The following RAB6A variants were observed in gnomAD, a reference collection of about 807,000 sequenced individuals.
RAB6A encodes ras-related protein Rab-6A.
In RAB6A, 8 loss-of-function variants were observed where a neutral mutation model predicts 32.3. The ratio of observed to expected loss-of-function variants is 0.25; its 90% CI spans 0.15 to 0.45. The LOEUF (loss-of-function observed/expected upper bound fraction) is 0.45, where lower values mean the gene tolerates loss of function less well. Among genes scored for constraint, RAB6A ranks in the 20% least tolerant of loss-of-function variants. The pLI, the probability that RAB6A is intolerant of heterozygous loss-of-function variation, is 1.00. For missense variants in RAB6A, 104 were observed against 249.4 expected (o/e 0.42, Z 3.93); for synonymous variants, 73 against 82.1 (o/e 0.89, Z 0.60).
chr11:73,679,966 C>T (rs1320490696), intron 6 of RAB6A, among the ~76,000 whole-genome samples: 4 of 151,974 alleles, frequency 2.6e-5, no homozygotes, highest in African/African-American at 9.7e-5. Context: ...GGCGTGGTGG[C>T]ACACGCCTAT....
intron 2 of RAB6A, chr11:73,722,346 T>TA (rs1946155061): frequency 4.1e-4 from 4 of 9,756 alleles, no homozygotes; most frequent in Admixed American, 2.0e-3. Flanking sequence ...TATATATATT[T>TA]TTTTTTTTTT....
chr11:73,681,957 A>G (rs992968521), intron 6 of RAB6A, among the ~76,000 whole-genome samples: 2 of 152,176 alleles, frequency 1.3e-5, no homozygotes, highest in African/African-American at 4.8e-5. Flanking sequence ...TTTTTTAGAG[A>G]TGTACCAAAA....
chr11:73,743,082 T>C (rs549572961), intron 1 of RAB6A, among the ~76,000 whole-genome samples: 16 of 151,924 alleles, frequency 1.1e-4, no homozygotes, highest in African/African-American at 3.6e-4. Context: ...GACGGGCAGA[T>C]CACTCGAGTT....
In RAB6A at chr11:73,679,677, G is replaced by A. The variant is rs1265921156; in HGVS notation, c.539C>T (p.Thr180Ile). 8.7e-6 allele frequency: 14 copies of A among 1,614,142 alleles called. No homozygotes were observed. Among genetic ancestry groups the A allele is most frequent in the Non-Finnish European group, 3.4e-6 (4 of 1,179,986 alleles). The change falls in exon 7 of 8, where the codon ACA becomes ATA. Residue 180 changes from threonine to isoleucine, a missense_variant. Coordinates refer to ENST00000336083, the MANE Select transcript of RAB6A (RefSeq NM_198896.2). ...VAAALPGMES[T>I]QDRSREDMID... The stretch of plus-strand genomic sequence containing the variant: ...ACTATCTTCTCTGCTTCTGTCCTGT[G>A]TGCTTTCCATTCCCGGCAAAGCTGC...
At chr11:73,715,842 A>G (rs190206141) in intron 5 of RAB6A, among the ~76,000 whole-genome samples, 1 of 152,270 alleles carries the variant, frequency 6.6e-6, no homozygotes, top group Admixed American at 6.5e-5. Context: ...CACACCACTG[A>G]ATTATAATGA....
At position 73,761,027 on chromosome 11, in the gene RAB6A, C is replaced by T. The variant is rs572800630; in HGVS notation, c.-392G>A. 2 of 174,704 alleles carry T rather than the reference C, an allele frequency of 1.1e-5. No homozygotes were observed. Among genetic ancestry groups the T allele is most frequent in the Middle Eastern group, 2.6e-3 (1 of 388 alleles). 10.8% of individuals were successfully genotyped at this position (174,704 alleles called of 1,614,324 possible). ...TATCTGGGACCTCTCACGCGCAGCG[C>T]CTGAGCTTCCACAGCTGCCGCCGCC... On this transcript the variant is annotated 5_prime_UTR_variant, in exon 1 of 8. Coordinates refer to ENST00000336083, the MANE Select transcript of RAB6A (RefSeq NM_198896.2).
chr11:73,739,139 G>A (rs1484481778), intron 1 of RAB6A, among the ~76,000 whole-genome samples: 1 of 147,466 alleles, frequency 6.8e-6, no homozygotes, highest in Non-Finnish European at 1.5e-5. Flanking sequence ...CTAGTACTCA[G>A]GATGCTGAGG....
chr11:73,692,653 A>G (rs1945588477), intron 6 of RAB6A, among the ~76,000 whole-genome samples: 3 of 151,412 alleles, frequency 2.0e-5, no homozygotes, highest in Admixed American at 2.0e-4. Context: ...CGTCAACTTG[A>G]TAATAAACAA....
intron 2 of RAB6A, 26 bp downstream of exon 2, chr11:73,730,739 C>A: frequency 6.4e-7 from 1 of 1,559,624 alleles, no homozygotes; most frequent in Non-Finnish European, 8.8e-7. Context: ...AAATAGACAA[C>A]AAATAAATTG....
rs757107333 is a variant in RAB6A, at chr11:73,679,655, A to G, written c.561T>C (p.Asp187=). Reference sequence around the variant, plus strand: ...TTTCCAATGAAATAAAAAGGATACTATCTTCTCTGCTTCTGTCCTGTGTGC... The same window carrying G: ...TTTCCAATGAAATAAAAAGGATACTGTCTTCTCTGCTTCTGTCCTGTGTGC... The part of the protein sequence containing the change: ...MESTQDRSRE[D]MIDIKLEKPQ... The change falls in exon 7 of 8, where the codon GAT becomes GAC. Residue 187 remains aspartate (D), a splice_region_variant and synonymous_variant. Transcript: ENST00000336083. 1 of 1,613,908 alleles carries G rather than the reference A, an allele frequency of 6.2e-7. No individual in the cohort carries two copies. The highest frequency in any genetic ancestry group is 8.5e-7 in the Non-Finnish European group (1 of 1,179,902).
intron 1 of RAB6A, among the ~76,000 whole-genome samples, chr11:73,754,257 C>T (rs1195600464): frequency 1.3e-5 from 2 of 152,166 alleles, no homozygotes. Context: ...GAAAAACTGG[C>T]AACATTATAA....
intron 4 of RAB6A, 126 bp from the exon 5 acceptor site, chr11:73,716,488 A>G (rs1013541042): frequency 2.2e-5 from 13 of 588,236 alleles, no homozygotes; most frequent in Middle Eastern, 5.5e-4. Flanking sequence ...CCCACTTTTA[A>G]TGTGCCTGCA....
At chr11:73,751,213 G>C (rs974149718) in intron 1 of RAB6A, among the ~76,000 whole-genome samples, 2 of 152,020 alleles carry the variant, frequency 1.3e-5, no homozygotes, top group Non-Finnish European at 2.9e-5. Context: ...CAGGAGTTCC[G>C]GGCTGTAGTA....
chr11:73,718,447 G>A (rs1487100066), intron 4 of RAB6A, among the ~76,000 whole-genome samples, 166 bp downstream of exon 4: 1 of 152,104 alleles, frequency 6.6e-6, no homozygotes, highest in Non-Finnish European at 1.5e-5. Context: ...AAAGCATATT[G>A]GTATAAACAC....
intron 6 of RAB6A, among the ~76,000 whole-genome samples, chr11:73,694,162 T>A (rs1945620904): frequency 2.0e-5 from 3 of 152,202 alleles, no homozygotes; most frequent in Admixed American, 2.0e-4. Context: ...CTCTGGATGA[T>A]TCTAATGTGC....
At chr11:73,705,911 CAG>C (rs1945834050) in intron 6 of RAB6A, among the ~76,000 whole-genome samples, 1 of 151,626 alleles carries the variant, frequency 6.6e-6, no homozygotes, top group African/African-American at 2.4e-5. Flanking sequence ...TGGGAAATGT[CAG>C]AGAAAATGTT....
chr11:73,690,673 G>C (rs1348576340), intron 6 of RAB6A, among the ~76,000 whole-genome samples: 4 of 147,568 alleles, frequency 2.7e-5, no homozygotes, highest in Non-Finnish European at 4.5e-5. Context: ...TAACTTGCTG[G>C]CTTCGAAATA....
chr11:73,686,136 A>G (rs1945452349), intron 6 of RAB6A, among the ~76,000 whole-genome samples: 1 of 152,198 alleles, frequency 6.6e-6, no homozygotes, highest in Non-Finnish European at 1.5e-5. Flanking sequence ...ATTACAGCAG[A>G]GCTGAAACTT....
chr11:73,747,206 T>TC (rs928335387), intron 1 of RAB6A, among the ~76,000 whole-genome samples: 2 of 150,274 alleles, frequency 1.3e-5, no homozygotes, highest in African/African-American at 5.0e-5. Flanking sequence ...GACAAAATCT[T>TC]CCTTTTTTTT....
Sources: allele counts gnomAD v4.1 joint callset (sites outside exome capture counted in the v4.1 genomes callset), GRCh38; gene constraint gnomAD v4.1.1; transcripts MANE v1.5; gene names NCBI Gene and HGNC (gene_info 2026-07-23, HGNC 2026-07-21).